DNER: variants seen among roughly 807,000 people sequenced by gnomAD.
DNER encodes delta/notch like EGF repeat containing.
A neutral mutation model predicts 78.2 loss-of-function variants in DNER; 33 were observed. That is an observed-to-expected ratio of 0.42 (90% CI 0.32 to 0.56). The LOEUF is 0.56. DNER is among the 20% of genes least tolerant of loss of function. The pLI, the probability that DNER is intolerant of heterozygous loss-of-function variation, is 0.11. For missense variants in DNER, 918 were observed against 975.3 expected, an observed-to-expected ratio of 0.94 and a Z score of 0.78; for synonymous variants, 417 against 384.8, an observed-to-expected ratio of 1.08 and a Z score of -0.98.
Position 229,714,511 on chromosome 2 carries a change from G to C in DNER, c.-88C>G. ...GGCGACGAGAGCTGCGAGAGCGACG[G>C]TGGCGGCTAGGGCTGCTCCGCCGGG... On this transcript the variant is annotated 5_prime_UTR_variant, in exon 1 of 13. Transcript: ENST00000341772. The C allele has an allele frequency of 9.4e-7, 1 of 1,065,822 alleles. No homozygotes were observed. The highest frequency in any genetic ancestry group is 1.1e-6 in the Non-Finnish European group (1 of 883,950). 66.0% of individuals were successfully genotyped at this position (1,065,822 alleles called of 1,614,324 possible).
At chr2:229,632,583 G>A (rs1698450579) in intron 1 of DNER, among the ~76,000 whole-genome samples, 1 of 152,150 alleles carries the variant, frequency 6.6e-6, no homozygotes, top group Non-Finnish European at 1.5e-5. Context: ...GGAGGCTGGA[G>A]CAACTCACCA....
At chr2:229,397,468 A>AAAAAAAAAAAAAAAC (rs1304526043) in intron 10 of DNER, among the ~76,000 whole-genome samples, 14 of 150,408 alleles carry the variant, frequency 9.3e-5, no homozygotes, top group African/African-American at 3.4e-4. Context: ...CACTACAAAA[A>AAAAAAAAAAAAAAAC]AAAAAAAAAA....
intron 1 of DNER, among the ~76,000 whole-genome samples, chr2:229,648,272 G>A (rs150057043): frequency 6.6e-5 from 10 of 152,268 alleles, no homozygotes; most frequent in East Asian, 1.9e-4. Context: ...GGAGTCTAGC[G>A]CAGTATGTGG....
intron 9 of DNER, among the ~76,000 whole-genome samples, chr2:229,416,558 T>A (rs1693655908): frequency 6.6e-6 from 1 of 152,170 alleles, no homozygotes; most frequent in Non-Finnish European, 1.5e-5. Context: ...TGCAATTTCC[T>A]TAGACAGCAG....
At chr2:229,369,095 T>C (rs1245494317) in intron 11 of DNER, among the ~76,000 whole-genome samples, 1 of 152,210 alleles carries the variant, frequency 6.6e-6, no homozygotes, top group Non-Finnish European at 1.5e-5. Flanking sequence ...TCGGTTTCTT[T>C]GTTTGTAAAA....
At chr2:229,677,736 T>C (rs1206529725) in intron 1 of DNER, among the ~76,000 whole-genome samples, 2 of 152,232 alleles carry the variant, frequency 1.3e-5, no homozygotes, top group East Asian at 3.9e-4. Flanking sequence ...AAGACAAAAA[T>C]TTACTTTTTA....
chr2:229,667,558 C>A (rs1427503045), intron 1 of DNER, among the ~76,000 whole-genome samples: 1 of 152,062 alleles, frequency 6.6e-6, no homozygotes, highest in African/African-American at 2.4e-5. Flanking sequence ...TCTTTTTGTT[C>A]TTGATGTTTC....
At chr2:229,499,216 C>T (rs532787463) in intron 6 of DNER, among the ~76,000 whole-genome samples, 24 of 151,928 alleles carry the variant, frequency 1.6e-4, no homozygotes, top group African/African-American at 3.9e-4. Context: ...GAGGCCGAGG[C>T]GGGCAGATCA....
chr2:229,530,391 A>G (rs141596157), intron 5 of DNER, among the ~76,000 whole-genome samples: 104 of 152,340 alleles, frequency 6.8e-4, no homozygotes, highest in Non-Finnish European at 1.3e-3. Flanking sequence ...TCCCAGGAAG[A>G]CTGTTATGCT....
At chr2:229,707,628 G>T (rs1196154116) in intron 1 of DNER, among the ~76,000 whole-genome samples, 2 of 152,206 alleles carry the variant, frequency 1.3e-5, no homozygotes, top group Admixed American at 6.5e-5. Flanking sequence ...TAGCCCCAGT[G>T]CTGGGTTCCC....
At chr2:229,571,382 T>G (rs545752729) in intron 4 of DNER, among the ~76,000 whole-genome samples, 2 of 152,094 alleles carry the variant, frequency 1.3e-5, no homozygotes, top group African/African-American at 4.8e-5. Context: ...TCCCACTCCC[T>G]CTCACCATCT....
At chr2:229,426,344 G>A (rs1192856636) in intron 8 of DNER, among the ~76,000 whole-genome samples, 3 of 150,510 alleles carry the variant, frequency 2.0e-5, no homozygotes, top group Non-Finnish European at 4.4e-5. Context: ...CAGAGGCTGA[G>A]GCAGGAGAAT....
At chr2:229,419,879 C>T (rs1693727540) in intron 8 of DNER, among the ~76,000 whole-genome samples, 3 of 148,742 alleles carry the variant, frequency 2.0e-5, no homozygotes, top group Admixed American at 6.8e-5. Context: ...AGACATTTTT[C>T]GTTGTCACAA....
At chr2:229,602,818 A>T (rs968918967) in intron 1 of DNER, among the ~76,000 whole-genome samples, 1 of 152,234 alleles carries the variant, frequency 6.6e-6, no homozygotes, top group Admixed American at 6.5e-5. Context: ...AAAACTTGAT[A>T]TTAGAAAGAC....
chr2:229,669,746 T>C (rs1574554715), intron 1 of DNER, among the ~76,000 whole-genome samples: 1 of 152,324 alleles, frequency 6.6e-6, no homozygotes, highest in East Asian at 1.9e-4. Flanking sequence ...TTGTGATTTT[T>C]GCACATTGAT....
At chr2:229,496,203 T>A in intron 6 of DNER, among the ~76,000 whole-genome samples, 1 of 152,230 alleles carries the variant, frequency 6.6e-6, no homozygotes, top group East Asian at 1.9e-4. Context: ...TGACAATCCC[T>A]TTCTTTTTGA....
chr2:229,542,076 A>G (rs780457142), intron 5 of DNER, among the ~76,000 whole-genome samples: 4 of 151,330 alleles, frequency 2.6e-5, no homozygotes, highest in Non-Finnish European at 4.4e-5. Context: ...GACATAGTCC[A>G]TGGAATCTAA....
intron 1 of DNER, among the ~76,000 whole-genome samples, chr2:229,613,641 AG>A (rs200725578): frequency 3.9e-5 from 6 of 152,022 alleles, no homozygotes; most frequent in African/African-American, 1.5e-4. Flanking sequence ...CCAAAAAAAA[AG>A]AAAATTAAGA....
intron 6 of DNER, among the ~76,000 whole-genome samples, chr2:229,505,029 C>T (rs184971443): frequency 1.3e-5 from 2 of 152,260 alleles, no homozygotes; most frequent in East Asian, 1.9e-4. Flanking sequence ...GTGAAGGCCA[C>T]CTCTTGAGGA....
Sources: gnomAD v4.1 joint callset for allele counts (sites outside exome capture counted in the v4.1 genomes callset) on GRCh38, gnomAD v4.1.1 for gene constraint, MANE v1.5 for transcripts, NCBI Gene and HGNC (gene_info 2026-07-23, HGNC 2026-07-21) for gene names.